Variants in FMN1 observed in about 807,000 individuals in gnomAD.
FMN1 encodes formin 1, also known as formin-1.
A neutral mutation model predicts 132.4 loss-of-function variants in FMN1; 110 were observed. The ratio of observed to expected loss-of-function variants is 0.83; its 90% CI spans 0.71 to 0.97. FMN1 has a LOEUF of 0.97. Ranked by LOEUF, FMN1 falls within the 50% of genes least tolerant of loss-of-function variation. The probability of loss-of-function intolerance (pLI) is 0.00; values close to 1 mark genes in which losing one functional copy is unlikely to be tolerated. For missense variants in FMN1, 1,792 were observed against 1,705.3 expected (o/e 1.05, Z -0.90); for synonymous variants, 722 against 651.7 (o/e 1.11, Z -1.64).
intron 7 of FMN1, among the ~76,000 whole-genome samples, chr15:32,994,634 G>A (rs1236371414): frequency 2.0e-5 from 3 of 152,036 alleles, no homozygotes; most frequent in African/African-American, 7.2e-5. Flanking sequence ...CTGCTCCCTC[G>A]AGCACCTAGC....
chr15:33,127,348 C>T (rs1963187832), intron 4 of FMN1, among the ~76,000 whole-genome samples: 1 of 148,100 alleles, frequency 6.8e-6, no homozygotes, highest in South Asian at 2.3e-4. Context: ...CTAAATCCCT[C>T]TAAATAACTT....
chr15:32,901,995 G>A lies in FMN1; in HGVS notation c.3423C>T (p.Ala1141=). 6.2e-7 allele frequency: 1 copy of A among 1,612,852 alleles called. No homozygotes were observed. Among genetic ancestry groups the A allele is most frequent in the African/African-American group, 1.3e-5 (1 of 74,964 alleles). ...AGACAGATCTGAAGATTATGCACTGGGCACGTTCAGCAAAATTAGGAATCT... is the reference window on the plus strand; with the variant it reads ...AGACAGATCTGAAGATTATGCACTGAGCACGTTCAGCAAAATTAGGAATCT... ...LAQIPNFAER[A]QCIIFRSVFS... The change falls in exon 13 of 21, where the codon GCC becomes GCT. Residue 1141 remains alanine (A), a synonymous_variant. Transcript: ENST00000616417.
chr15:33,079,612 G>A (rs555822993), intron 5 of FMN1, among the ~76,000 whole-genome samples: 1 of 152,246 alleles, frequency 6.6e-6, no homozygotes, highest in Non-Finnish European at 1.5e-5. Flanking sequence ...GACAGAGCGA[G>A]ACTCCGTCTC....
rs762820483 is a variant in FMN1 at position 32,771,363 on chromosome 15, G to GCCACCA, written c.*2941_*2946dup. On this transcript the variant is annotated 3_prime_UTR_variant, in exon 21 of 21. Coordinates refer to ENST00000616417, the MANE Select transcript of FMN1 (RefSeq NM_001277313.2). ...CAAAGTGCTGGGATTATAGGCATGA[G>GCCACCA]CCACCACGCCCGGCCCGGGCCTGAT... The GCCACCA allele has an allele frequency of 2.0e-5, 3 of 149,122 alleles. No individual in the cohort carries two copies. The highest frequency in any genetic ancestry group is 3.0e-5 in the Non-Finnish European group (2 of 66,864). 9.2% of individuals were successfully genotyped at this position (149,122 alleles called of 1,614,324 possible).
At position 33,066,713 on chromosome 15, in the gene FMN1, C is replaced by T. The variant is rs370950105; in HGVS notation, c.2044-1639G>A. The T allele has an allele frequency of 2.5e-6, 4 of 1,613,706 alleles. No homozygotes were observed. The African/African-American group carries it at 4.0e-5, about 16-fold the overall frequency. ...CTCTGGCGACTTTGGCTTGACCTCA[C>T]CACCCTGGGTTTGTGGTACTCCAGG... On this transcript the variant is annotated intron_variant, in intron 5 of 20. Coordinates refer to ENST00000616417, the MANE Select transcript of FMN1 (RefSeq NM_001277313.2).
Position 33,101,173 on chromosome 15 carries a change from T to A in FMN1, c.1868-12199A>T, listed in dbSNP as rs562771821. On this transcript the variant is annotated intron_variant, in intron 4 of 20. Transcript: ENST00000616417. ...ACAAGCCTTAACCACCAAAGGATGG[T>A]AAGACACTGAAAATCATCTGTAAAT... Among the ~76,000 whole-genome samples, 33 of 152,288 alleles carry A rather than the reference T, an allele frequency of 2.2e-4. No individual in the cohort carries two copies. The South Asian group carries it at 6.4e-3, about 30-fold the overall frequency.
At chr15:32,965,168 T>C (rs1028800180) in intron 8 of FMN1, among the ~76,000 whole-genome samples, 1 of 152,044 alleles carries the variant, frequency 6.6e-6, no homozygotes, top group Admixed American at 6.6e-5. Context: ...GAGGCTGAGG[T>C]GGGCAGATCA....
chr15:33,172,114 A>G (rs1965347654), intron 3 of FMN1, among the ~76,000 whole-genome samples: 1 of 152,044 alleles, frequency 6.6e-6, no homozygotes, highest in African/African-American at 2.4e-5. Context: ...AGGCTGAGGC[A>G]GGACAATGGC....
chr15:32,903,536 T>G (rs1421231952), intron 12 of FMN1, among the ~76,000 whole-genome samples: 1 of 149,838 alleles, frequency 6.7e-6, no homozygotes, highest in African/African-American at 2.5e-5. Flanking sequence ...TTTCTCCCCT[T>G]CTAAATGTGA....
intron 2 of FMN1, among the ~76,000 whole-genome samples, chr15:33,191,629 T>C (rs113583907): frequency 4.7e-4 from 71 of 152,362 alleles, no homozygotes; most frequent in African/African-American, 1.7e-3. Flanking sequence ...TGAGAGGGAA[T>C]GCTCCATTTC....
chr15:33,048,651 C>CAAAAAAAAAAAAAAAAAAAAAAAAAAAA (rs1338668794), intron 6 of FMN1, among the ~76,000 whole-genome samples: 14 of 120,070 alleles, frequency 1.2e-4, no homozygotes, highest in Non-Finnish European at 1.8e-4. Context: ...AAAAAAAAAC[C>CAAAAAAAAAAAAAAAAAAAAAAAAAAAA]AACAGTTTAA....
rs371095772 is a variant in FMN1 at position 33,172,010 on chromosome 15, T to C, written c.-132+8188A>G. On this transcript the variant is annotated intron_variant, in intron 3 of 20. Coordinates refer to ENST00000616417, the MANE Select transcript of FMN1 (RefSeq NM_001277313.2). ...GGATCACGAGGTCAGGAGATTGAGA[T>C]CATCCTGGCTGACACGGTGAAACCC... 4.5e-3 allele frequency among the ~76,000 whole-genome samples: 690 copies of C among 151,970 alleles called. 1 individual carries two copies. The highest frequency in any genetic ancestry group is 7.3e-3 in the Non-Finnish European group (498 of 67,954).
chr15:32,894,245 G>T (rs573313722), intron 15 of FMN1, among the ~76,000 whole-genome samples: 1 of 152,264 alleles, frequency 6.6e-6, no homozygotes, highest in South Asian at 2.1e-4. Flanking sequence ...AGCACTTTGG[G>T]AGGCCAAGGC....
chr15:33,089,688 G>A (rs913254165), intron 4 of FMN1, among the ~76,000 whole-genome samples: 3 of 152,182 alleles, frequency 2.0e-5, no homozygotes, highest in Admixed American at 6.5e-5. Context: ...GAAGTACAAA[G>A]AAGTTAAGCA....
intron 6 of FMN1, among the ~76,000 whole-genome samples, chr15:33,061,394 G>A (rs960702793): frequency 6.6e-6 from 1 of 151,910 alleles, no homozygotes; most frequent in Non-Finnish European, 1.5e-5. Flanking sequence ...ATATGCCAGG[G>A]AAGATATTTA....
intron 5 of FMN1, chr15:33,067,017 C>A: frequency 6.2e-7 from 1 of 1,614,018 alleles, no homozygotes; most frequent in Non-Finnish European, 8.5e-7. Flanking sequence ...TCTCCTCCCT[C>A]AGCGGTAGCC....
intron 3 of FMN1, among the ~76,000 whole-genome samples, chr15:33,178,576 T>C (rs1965594476): frequency 6.6e-6 from 1 of 152,190 alleles, no homozygotes; most frequent in Non-Finnish European, 1.5e-5. Context: ...CCTCCCTCCT[T>C]AACCCCTAGC....
chr15:33,178,719 T>C (rs1566968649), intron 3 of FMN1, among the ~76,000 whole-genome samples: 1 of 152,216 alleles, frequency 6.6e-6, no homozygotes, highest in Admixed American at 6.5e-5. Context: ...TACACTGGCA[T>C]TCAGAATACA....
intron 9 of FMN1, among the ~76,000 whole-genome samples, chr15:32,955,193 G>A (rs2061737254): frequency 6.6e-6 from 1 of 152,150 alleles, no homozygotes; most frequent in African/African-American, 2.4e-5. Flanking sequence ...TCATTTAGCA[G>A]TGGCACTACT....
Sources: gnomAD v4.1 joint callset for allele counts (sites outside exome capture counted in the v4.1 genomes callset) on GRCh38, gnomAD v4.1.1 for gene constraint, MANE v1.5 for transcripts, NCBI Gene and HGNC (gene_info 2026-07-23, HGNC 2026-07-21) for gene names.